AATF: variants seen among roughly 807,000 people sequenced by gnomAD.
The protein encoded by AATF is apoptosis antagonizing transcription factor, also known as protein AATF.
AATF carries 48 observed loss-of-function variants against 63.7 expected under a neutral mutation model. The observed-to-expected ratio is 0.75, with a 90% CI of 0.60 to 0.96. AATF has a LOEUF of 0.96. AATF is among the 40% of genes least tolerant of loss of function. The pLI is 0.00. For missense variants in AATF, 639 were observed against 685.7 expected (o/e 0.93, Z 0.76); for synonymous variants, 258 against 247.7 (o/e 1.04, Z -0.39).
chr17:37,039,761 C>T (rs1320090608), intron 11 of AATF, among the ~76,000 whole-genome samples: 5 of 152,126 alleles, frequency 3.3e-5, no homozygotes, highest in African/African-American at 4.8e-5. Context: ...AGTTTTAAAA[C>T]TGGGTTGGAA....
chr17:37,013,860 T>C (rs2071410336), intron 8 of AATF, among the ~76,000 whole-genome samples: 1 of 152,220 alleles, frequency 6.6e-6, no homozygotes, highest in African/African-American at 2.4e-5. Flanking sequence ...TGTTTTTCCC[T>C]ATATACTCCA....
chr17:36,970,599 G>A (rs1464492366), intron 4 of AATF, among the ~76,000 whole-genome samples: 1 of 148,670 alleles, frequency 6.7e-6, no homozygotes, highest in African/African-American at 2.5e-5. Context: ...CTGAAATGCA[G>A]TGACGATCAT....
At chr17:37,040,313 A>T (rs1198929682) in intron 11 of AATF, among the ~76,000 whole-genome samples, 1 of 152,178 alleles carries the variant, frequency 6.6e-6, no homozygotes, top group Non-Finnish European at 1.5e-5. Flanking sequence ...AAGTGCAGTT[A>T]TCCTTCGCTC....
chr17:37,011,992 A>T (rs1403570490), intron 8 of AATF, among the ~76,000 whole-genome samples: 1 of 152,080 alleles, frequency 6.6e-6, no homozygotes, highest in Non-Finnish European at 1.5e-5. Context: ...ATTATAGTAT[A>T]TGCAATTTAT....
At chr17:36,962,556 T>A (rs1262671758) in intron 4 of AATF, among the ~76,000 whole-genome samples, 1 of 149,116 alleles carries the variant, frequency 6.7e-6, no homozygotes, top group Non-Finnish European at 1.5e-5. Flanking sequence ...GTCTTCAGCA[T>A]CAGAAACAAT....
At chr17:37,006,828 T>G (rs1472316969) in intron 8 of AATF, among the ~76,000 whole-genome samples, 1 of 152,216 alleles carries the variant, frequency 6.6e-6, no homozygotes, top group Admixed American at 6.5e-5. Context: ...ATGAATGAAT[T>G]TATCATTTCT....
chr17:36,995,305 A>C (rs2071246203), intron 8 of AATF, among the ~76,000 whole-genome samples: 1 of 152,256 alleles, frequency 6.6e-6, no homozygotes, highest in African/African-American at 2.4e-5. Flanking sequence ...TTTTGTGTCT[A>C]AGACATTTGA....
intron 11 of AATF, among the ~76,000 whole-genome samples, chr17:37,032,368 G>A (rs116326094): frequency 0.03 from 4,636 of 152,186 alleles, 237 homozygotes; most frequent in African/African-American, 0.1. Context: ...TGGAAGTGCC[G>A]TCAAACTGGC....
chr17:36,968,270 C>CTTTTTTTTTTTTTTTTTTTTTTT (rs3049638), intron 4 of AATF, among the ~76,000 whole-genome samples: 1 of 23,792 alleles, frequency 4.2e-5, no homozygotes, highest in Non-Finnish European at 7.6e-5. Flanking sequence ...TTCCTTCTTT[C>CTTTTTTTTTTTTTTTTTTTTTTT]TTTTTTTTTT....
At chr17:36,965,188 A>G (rs2070981737) in intron 4 of AATF, among the ~76,000 whole-genome samples, 1 of 152,144 alleles carries the variant, frequency 6.6e-6, no homozygotes, top group African/African-American at 2.4e-5. Flanking sequence ...GCACACATTG[A>G]TTATCGTATC....
chr17:37,023,301 TATCAGTTTGAAAAGA>T (rs2071486879), intron 10 of AATF, among the ~76,000 whole-genome samples: 1 of 152,202 alleles, frequency 6.6e-6, no homozygotes, highest in Non-Finnish European at 1.5e-5. Flanking sequence ...ATGTTCAATA[TATCAGTTTGAAAAGA>T]AAAAACCAGG....
At chr17:37,048,363 CTTTTTTTTTTTTT>C (rs60374815) in intron 11 of AATF, among the ~76,000 whole-genome samples, 2 of 70,842 alleles carry the variant, frequency 2.8e-5, no homozygotes, top group Non-Finnish European at 5.4e-5. Context: ...TTTTTCTTTT[CTTTTTTTTTTTTT>C]TTTTTTTTTT....
chr17:36,949,095 GC>G lies in AATF; in HGVS notation c.-30del. On this transcript the variant is annotated 5_prime_UTR_variant, in exon 1 of 12. Coordinates refer to ENST00000619387, the MANE Select transcript of AATF (RefSeq NM_012138.4). The stretch of plus-strand genomic sequence containing the variant: ...GGGGTTGGGCCGCACATTTACGTGC[GC>G]GAAGCGGAGTGGACCGGGAGCTGGT... 10 of 1,539,154 alleles carry G rather than the reference GC, an allele frequency of 6.5e-6. No homozygotes were observed. The highest frequency in any genetic ancestry group is 8.8e-6 in the Non-Finnish European group (10 of 1,134,922).
chr17:37,047,613 C>T (rs1020095364), intron 11 of AATF, among the ~76,000 whole-genome samples: 2 of 152,174 alleles, frequency 1.3e-5, no homozygotes, highest in African/African-American at 2.4e-5. Flanking sequence ...GGCCAGAGGC[C>T]GTGTGTCACC....
At position 37,025,313 on chromosome 17, in the gene AATF, G is replaced by A. The variant is rs114776075; in HGVS notation, c.1547+4299G>A. Among the ~76,000 whole-genome samples, 1,342 of 152,258 alleles carry A rather than the reference G, an allele frequency of 8.8e-3. 17 individuals are homozygous for A. Among genetic ancestry groups the A allele is most frequent in the African/African-American group, 0.031 (1,289 of 41,538 alleles). On this transcript the variant is annotated intron_variant, in intron 10 of 11. Transcript: ENST00000619387. ...ATCCAAGTTGAGATATTTTTCAGTC[G>A]AGAGGAGGATGTGGGTATTTATTAG...
rs1385548240 is a variant in AATF at position 36,950,224 on chromosome 17, C to T, written c.102C>T (p.Ala34=). The part of the protein sequence containing the change: ...PEADPEEATA[A]RVIDRFDEGE... ...CCTCTCCCCCGACAGCCACTGCTGC[C>T]AGGGTGATTGACAGGTTTGATGAAG... Residue 34 remains alanine, a synonymous_variant, in exon 2 of 12, where the codon GCC becomes GCT. Coordinates refer to ENST00000619387, the MANE Select transcript of AATF (RefSeq NM_012138.4). 4.3e-6 allele frequency: 7 copies of T among 1,613,448 alleles called. No individual in the cohort carries two copies. The highest frequency in any genetic ancestry group is 5.1e-6 in the Non-Finnish European group (6 of 1,179,452).
At chr17:37,022,744 G>A (rs74833919) in intron 10 of AATF, among the ~76,000 whole-genome samples, 4,667 of 152,196 alleles carry the variant, frequency 0.031, 242 homozygotes, top group African/African-American at 0.11. Flanking sequence ...TTGCTGTGAC[G>A]ATTAAATGAA....
At chr17:36,978,690 A>G (rs1253963139) in intron 4 of AATF, among the ~76,000 whole-genome samples, 2 of 152,044 alleles carry the variant, frequency 1.3e-5, no homozygotes, top group African/African-American at 4.8e-5. Context: ...ATGTGTATAT[A>G]CACTTGGATA....
intron 11 of AATF, among the ~76,000 whole-genome samples, chr17:37,037,713 C>T (rs538299788): frequency 2.6e-5 from 4 of 152,292 alleles, no homozygotes; most frequent in East Asian, 3.9e-4. Context: ...GATGCTGATA[C>T]GGTTTGGATT....
Sources: allele counts gnomAD v4.1 joint callset (sites outside exome capture counted in the v4.1 genomes callset), GRCh38; gene constraint gnomAD v4.1.1; transcripts MANE v1.5; gene names NCBI Gene and HGNC (gene_info 2026-07-23, HGNC 2026-07-21).